Variants in MARCHF1 observed in about 807,000 individuals in gnomAD.
The protein encoded by MARCHF1 is E3 ubiquitin-protein ligase MARCHF1.
A neutral mutation model predicts 54.2 loss-of-function variants in MARCHF1; 40 were observed. The observed-to-expected ratio is 0.74, with a 90% CI of 0.57 to 0.96. The LOEUF (loss-of-function observed/expected upper bound fraction) is 0.96. Ranked by LOEUF, MARCHF1 falls within the 40% of genes least tolerant of loss-of-function variation. MARCHF1 has a pLI of 0.00. For missense variants in MARCHF1, 586 were observed against 656.5 expected (o/e 0.89, Z 1.17); for synonymous variants, 236 against 236.3 (o/e 1.00, Z 0.01).
intron 3 of MARCHF1, among the ~76,000 whole-genome samples, chr4:163,857,175 C>T (rs1749792149): frequency 6.7e-6 from 1 of 149,204 alleles, no homozygotes; most frequent in African/African-American, 2.4e-5. Flanking sequence ...TATAATTGCC[C>T]AATAACAATA....
At chr4:163,655,478 G>C (rs530875949) in intron 5 of MARCHF1, among the ~76,000 whole-genome samples, 1 of 151,914 alleles carries the variant, frequency 6.6e-6, no homozygotes, top group East Asian at 1.9e-4. Context: ...ATACCCCACT[G>C]TCAATATTAG....
intron 5 of MARCHF1, among the ~76,000 whole-genome samples, chr4:163,676,708 T>C (rs1743932029): frequency 6.6e-6 from 1 of 152,140 alleles, no homozygotes; most frequent in Non-Finnish European, 1.5e-5. Context: ...ATGAGCTATG[T>C]TGGCATCACT....
At chr4:164,020,469 T>G (rs535188536) in intron 2 of MARCHF1, among the ~76,000 whole-genome samples, 23 of 152,332 alleles carry the variant, frequency 1.5e-4, no homozygotes, top group African/African-American at 4.8e-4. Flanking sequence ...CTAAATCAGT[T>G]TACAGACCTG....
chr4:163,937,860 C>CA (rs796613535), intron 3 of MARCHF1, among the ~76,000 whole-genome samples: 2 of 152,040 alleles, frequency 1.3e-5, no homozygotes, highest in African/African-American at 4.8e-5. Flanking sequence ...GGAAATAAAG[C>CA]AAAAAATTTT....
At chr4:163,708,907 A>G (rs1745025971) in intron 4 of MARCHF1, among the ~76,000 whole-genome samples, 1 of 152,154 alleles carries the variant, frequency 6.6e-6, no homozygotes, top group Non-Finnish European at 1.5e-5. Context: ...TGATGTGCAT[A>G]CAGAAATTAT....
chr4:164,056,318 G>T (rs36099345), intron 2 of MARCHF1, among the ~76,000 whole-genome samples: 6,969 of 152,282 alleles, frequency 0.046, 216 homozygotes, highest in Middle Eastern at 0.14. Flanking sequence ...ACTGAAAGGT[G>T]TGGAGGTATA....
chr4:163,604,944 AT>A (rs527253754), intron 7 of MARCHF1, among the ~76,000 whole-genome samples: 10 of 152,088 alleles, frequency 6.6e-5, no homozygotes, highest in Admixed American at 1.3e-4. Flanking sequence ...TCATTCACAG[AT>A]TTTTTTTATG....
intron 1 of MARCHF1, among the ~76,000 whole-genome samples, chr4:164,330,799 T>C (rs1468444300): frequency 6.6e-6 from 1 of 152,162 alleles, no homozygotes; most frequent in Non-Finnish European, 1.5e-5. Context: ...AGAACAGCAC[T>C]GGGGATTTTA....
chr4:164,017,179 T>C (rs1753561319), intron 2 of MARCHF1, among the ~76,000 whole-genome samples: 1 of 152,036 alleles, frequency 6.6e-6, no homozygotes, highest in African/African-American at 2.4e-5. Flanking sequence ...CTCAACTTGA[T>C]ATAGGATATT....
At position 163,527,816 on chromosome 4, in the gene MARCHF1, T is replaced by TATC. The variant is rs201612931; in HGVS notation, c.*929_*931dup. The TATC allele has an allele frequency of 8.1e-5, 12 of 147,954 alleles. No homozygotes were observed. The highest frequency in any genetic ancestry group is 1.5e-4 in the Non-Finnish European group (10 of 66,702). 9.2% of individuals were successfully genotyped at this position (147,954 alleles called of 1,614,324 possible). A position where few individuals can be genotyped will look rare whatever the true frequency, so the allele number is the denominator to read the frequency against. On this transcript the variant is annotated 3_prime_UTR_variant, in exon 10 of 10. Coordinates refer to ENST00000514618, the MANE Select transcript of MARCHF1 (RefSeq NM_001394959.1). ...CTTGGTTCAAGAAACAGATGTAAAC[T>TATC]ATCAATCAATCAATCAATTTTTTAT...
At chr4:163,925,882 G>C (rs1188676651) in intron 3 of MARCHF1, among the ~76,000 whole-genome samples, 4 of 151,574 alleles carry the variant, frequency 2.6e-5, no homozygotes, top group African/African-American at 4.8e-5. Context: ...TATAAAAAAT[G>C]AAAGTTAATA....
intron 4 of MARCHF1, among the ~76,000 whole-genome samples, chr4:163,761,599 C>G (rs1746827591): frequency 6.6e-6 from 1 of 152,204 alleles, no homozygotes; most frequent in Admixed American, 6.6e-5. Context: ...TGAATGATAG[C>G]ATAGTTGCTG....
At chr4:163,749,803 C>T (rs536228677) in intron 4 of MARCHF1, among the ~76,000 whole-genome samples, 1 of 151,968 alleles carries the variant, frequency 6.6e-6, no homozygotes, top group Non-Finnish European at 1.5e-5. Flanking sequence ...GTGACTCACA[C>T]CTGTGATCCC....
intron 1 of MARCHF1, among the ~76,000 whole-genome samples, chr4:164,180,838 C>T (rs551610348): frequency 2.0e-5 from 3 of 152,102 alleles, no homozygotes; most frequent in Non-Finnish European, 4.4e-5. Flanking sequence ...CTGCTACATC[C>T]GCTTGCCATC....
intron 1 of MARCHF1, among the ~76,000 whole-genome samples, chr4:164,296,569 C>T (rs1459102198): frequency 6.6e-6 from 1 of 152,000 alleles, no homozygotes; most frequent in Admixed American, 6.6e-5. Flanking sequence ...AGTGTTTCAC[C>T]ATGTTGGCCA....
intron 3 of MARCHF1, among the ~76,000 whole-genome samples, chr4:163,886,624 G>A (rs1481893043): frequency 1.3e-5 from 2 of 152,112 alleles, no homozygotes; most frequent in African/African-American, 4.8e-5. Context: ...AAATGCAAAT[G>A]TAATTGAAGG....
chr4:164,022,382 T>C (rs1007671834), intron 2 of MARCHF1, among the ~76,000 whole-genome samples: 40 of 152,224 alleles, frequency 2.6e-4, no homozygotes, highest in Admixed American at 1.2e-3. Context: ...GATCTTTGGA[T>C]AGAGAACACT....
At chr4:163,938,082 A>G (rs1019139474) in intron 3 of MARCHF1, among the ~76,000 whole-genome samples, 7 of 152,160 alleles carry the variant, frequency 4.6e-5, no homozygotes, top group African/African-American at 1.4e-4. Flanking sequence ...AGACCATTCC[A>G]CCATCCTCTC....
intron 5 of MARCHF1, among the ~76,000 whole-genome samples, chr4:163,659,441 G>A (rs754384681): frequency 1.3e-5 from 2 of 151,882 alleles, no homozygotes; most frequent in Non-Finnish European, 2.9e-5. Context: ...ATCTGAAACC[G>A]TTAAAACCCT....
Sources: gnomAD v4.1 joint callset for allele counts (sites outside exome capture counted in the v4.1 genomes callset) on GRCh38, gnomAD v4.1.1 for gene constraint, MANE v1.5 for transcripts, NCBI Gene and HGNC (gene_info 2026-07-23, HGNC 2026-07-21) for gene names.